MCF2L2: variants seen among roughly 807,000 people sequenced by gnomAD.
The protein encoded by MCF2L2 is probable guanine nucleotide exchange factor MCF2L2.
A neutral mutation model predicts 150.2 loss-of-function variants in MCF2L2; 102 were observed. The ratio of observed to expected loss-of-function variants is 0.68; its 90% CI spans 0.58 to 0.80. The LOEUF (loss-of-function observed/expected upper bound fraction) is 0.80. Ranked by LOEUF, MCF2L2 falls within the 30% of genes least tolerant of loss-of-function variation. The pLI is 0.00. For synonymous variants in MCF2L2, 465 were observed against 491.3 expected, an observed-to-expected ratio of 0.95 and a Z score of 0.71; for missense variants, 1,256 against 1,372.8, an observed-to-expected ratio of 0.91 and a Z score of 1.34.
At chr3:183,348,023 C>T (rs913759320) in intron 3 of MCF2L2, among the ~76,000 whole-genome samples, 2 of 152,126 alleles carry the variant, frequency 1.3e-5, no homozygotes, top group Non-Finnish European at 2.9e-5. Context: ...TCCAGAAATA[C>T]CATTTGACCC....
At chr3:183,353,140 C>T (rs1322584462) in intron 3 of MCF2L2, among the ~76,000 whole-genome samples, 3 of 151,886 alleles carry the variant, frequency 2.0e-5, no homozygotes, top group Non-Finnish European at 4.4e-5. Context: ...TCTGTAGTTT[C>T]CATTTAAAAA....
intron 1 of MCF2L2, among the ~76,000 whole-genome samples, chr3:183,403,803 G>A (rs1226234240): frequency 6.6e-6 from 1 of 152,226 alleles, no homozygotes; most frequent in African/African-American, 2.4e-5. Context: ...TGAGAGTATA[G>A]TATGGGAAAG....
At chr3:183,280,934 A>G (rs116058348) in intron 14 of MCF2L2, among the ~76,000 whole-genome samples, 3,894 of 152,052 alleles carry the variant, frequency 0.026, 177 homozygotes, top group African/African-American at 0.086. Flanking sequence ...TCACTATTAT[A>G]ATCAATTTTC....
chr3:183,370,052 T>C (rs555109541), intron 3 of MCF2L2, among the ~76,000 whole-genome samples: 1 of 152,310 alleles, frequency 6.6e-6, no homozygotes, highest in South Asian at 2.1e-4. Flanking sequence ...TTATAATTGA[T>C]CATGAGAGTG....
intron 2 of MCF2L2, among the ~76,000 whole-genome samples, chr3:183,385,673 T>C (rs906525592): frequency 6.6e-5 from 10 of 152,202 alleles, no homozygotes; most frequent in Middle Eastern, 3.2e-3. Context: ...CAATTCCTTA[T>C]AATTAAAGGA....
rs547504216 is a variant in MCF2L2, at chr3:183,234,513, T to C, written c.1863-3496A>G. ...ACCTGTTGGAGTGCAAGAGATAAAA[T>C]GCCAAGGATAGGAACTCCACTGAAG... On this transcript the variant is annotated intron_variant, in intron 15 of 29. Coordinates refer to ENST00000328913, the MANE Select transcript of MCF2L2 (RefSeq NM_015078.4). 5.3e-5 allele frequency among the ~76,000 whole-genome samples: 8 copies of C among 152,246 alleles called. No individual in the cohort carries two copies. The South Asian group carries it at 1.5e-3, about 28-fold the overall frequency.
intron 5 of MCF2L2, among the ~76,000 whole-genome samples, chr3:183,326,016 T>C (rs1029444615): frequency 6.6e-6 from 1 of 152,058 alleles, no homozygotes; most frequent in African/African-American, 2.4e-5. Context: ...GGTAAAACAA[T>C]TTTGTAAAAG....
chr3:183,388,352 G>GCCACA (rs1713949742), intron 2 of MCF2L2, among the ~76,000 whole-genome samples: 1 of 151,454 alleles, frequency 6.6e-6, no homozygotes, highest in Non-Finnish European at 1.5e-5. Flanking sequence ...TCTGTGGTAG[G>GCCACA]GCAACAGTTT....
intron 2 of MCF2L2, among the ~76,000 whole-genome samples, chr3:183,384,632 C>T (rs1713726956): frequency 6.6e-6 from 1 of 152,166 alleles, no homozygotes; most frequent in South Asian, 2.1e-4. Flanking sequence ...CTGGCTTCCC[C>T]CCACCCACCA....
chr3:183,262,858 C>T (rs1387417372), intron 15 of MCF2L2, among the ~76,000 whole-genome samples: 1 of 152,036 alleles, frequency 6.6e-6, no homozygotes, highest in Admixed American at 6.5e-5. Context: ...TTTGTGGTGA[C>T]GCTGCCTGCC....
chr3:183,330,312 C>CT (rs906270949), intron 5 of MCF2L2, among the ~76,000 whole-genome samples: 1 of 143,604 alleles, frequency 7.0e-6, no homozygotes, highest in East Asian at 2.1e-4. Flanking sequence ...AAAGGAAAAA[C>CT]TTTTTTTAAA....
chr3:183,181,638 TG>T lies in MCF2L2; in HGVS notation c.3017-1480del, dbSNP rs1048613370. ...AGTGAGAATGGAAGAATGATTGTCT[TG>T]CTGAAAGTTCTGTGATGGAGGGATA... On this transcript the variant is annotated intron_variant, in intron 27 of 29. Transcript: ENST00000328913. The surrounding 1 kb of genome is among the most constrained non-coding windows in gnomAD (Gnocchi z 4.3). 1.3e-5 allele frequency among the ~76,000 whole-genome samples: 2 copies of T among 152,148 alleles called. No homozygotes were observed. The highest frequency in any genetic ancestry group is 4.8e-5 in the African/African-American group (2 of 41,434).
intron 2 of MCF2L2, among the ~76,000 whole-genome samples, chr3:183,380,675 T>C (rs1577108088): frequency 6.6e-6 from 1 of 152,256 alleles, no homozygotes; most frequent in East Asian, 1.9e-4. Context: ...CTGCTGGGAT[T>C]ACAGGCATGA....
rs142047970 is a variant in MCF2L2, at chr3:183,342,327, C to T, written c.276-697G>A. ...CAAGGTCTTTGGGGCCTGGTTCAAA[C>T]GCTAGTATTGCCACTTACTAGCAGT... On this transcript the variant is annotated intron_variant, in intron 3 of 29. Transcript: ENST00000328913. Among the ~76,000 whole-genome samples, 34 of 152,214 alleles carry T rather than the reference C, an allele frequency of 2.2e-4. No homozygotes were observed. In the East Asian group the frequency reaches 4.8e-3, roughly 22 times the overall value.
rs57683720 is a variant in MCF2L2 at position 183,342,620 on chromosome 3, A to ATG, written c.276-992_276-991dup. ...CCTATGAGGTTGATGTGAAGATTAA[A>ATG]TGTGTGTGTGTGTGTGTGTGTGTGT... On this transcript the variant is annotated intron_variant, in intron 3 of 29. Coordinates refer to ENST00000328913, the MANE Select transcript of MCF2L2 (RefSeq NM_015078.4). Among the ~76,000 whole-genome samples, 454 of 142,978 alleles carry ATG rather than the reference A, an allele frequency of 3.2e-3. 2 individuals carry two copies. The highest frequency in any genetic ancestry group is 7.2e-3 in the Middle Eastern group (2 of 278). The allele number at this position is 142,978 out of a possible 152,430, so 93.8% of individuals were successfully genotyped here.
At chr3:183,336,232 A>G (rs4859111) in intron 5 of MCF2L2, among the ~76,000 whole-genome samples, 39,449 of 152,002 alleles carry the variant, frequency 0.26, 7,362 homozygotes, top group African/African-American at 0.53. Context: ...TATATATCAT[A>G]TAAGTATATA....
At chr3:183,262,870 G>A (rs1725749352) in intron 15 of MCF2L2, among the ~76,000 whole-genome samples, 1 of 152,044 alleles carries the variant, frequency 6.6e-6, no homozygotes. Flanking sequence ...CTGCCTGCCT[G>A]GTAAGTCCCA....
intron 1 of MCF2L2, among the ~76,000 whole-genome samples, chr3:183,415,843 G>C (rs1577138582): frequency 6.6e-6 from 1 of 152,114 alleles, no homozygotes; most frequent in Admixed American, 6.5e-5. Context: ...GACAATTTCT[G>C]CCTTTTGATT....
At position 183,227,204 on chromosome 3, in the gene MCF2L2, G is replaced by A. The variant is rs1287819481; in HGVS notation, c.2115+1093C>T. The A allele has an allele frequency of 6.6e-6, 1 of 152,158 alleles. No individual in the cohort carries two copies. The highest frequency in any genetic ancestry group is 1.5e-5 in the Non-Finnish European group (1 of 68,026). 9.4% of individuals were successfully genotyped at this position (152,158 alleles called of 1,614,324 possible). ...GAGAACTATTTAGAAGGCACAGGGG[G>A]TCAGGATCATCTCCATGGTCGTGTC... On this transcript the variant is annotated intron_variant, in intron 18 of 29. Coordinates refer to ENST00000328913, the MANE Select transcript of MCF2L2 (RefSeq NM_015078.4). The surrounding 1 kb of genome is among the most constrained non-coding windows in gnomAD (Gnocchi z 4.0).
Sources: gnomAD v4.1 joint callset for allele counts (sites outside exome capture counted in the v4.1 genomes callset) on GRCh38, gnomAD v4.1.1 for gene constraint, Gnocchi (gnomAD v3.1) non-coding constraint, MANE v1.5 for transcripts, NCBI Gene and HGNC (gene_info 2026-07-23, HGNC 2026-07-21) for gene names.